Variants in CD84 observed in about 807,000 individuals in gnomAD.
The protein encoded by CD84 is SLAM family member 5.
CD84 carries 22 observed loss-of-function variants against 33.8 expected under a neutral mutation model. The observed-to-expected ratio is 0.65, with a 90% CI of 0.46 to 0.93. CD84 has a LOEUF of 0.93. Ranked by LOEUF, CD84 falls within the 40% of genes least tolerant of loss-of-function variation. CD84 has a pLI of 0.00. For missense variants in CD84, 400 were observed against 397.6 expected, an observed-to-expected ratio of 1.01 and a Z score of -0.05; for synonymous variants, 154 against 145.2, an observed-to-expected ratio of 1.06 and a Z score of -0.44.
Position 160,546,939 on chromosome 1 carries a change from T to C in CD84, c.*1317A>G, listed in dbSNP as rs1025420400. 7.6e-6 allele frequency: 3 copies of C among 392,818 alleles called. No homozygotes were observed. Among genetic ancestry groups the C allele is most frequent in the African/African-American group, 4.1e-5 (2 of 48,524 alleles). 24.3% of individuals were successfully genotyped at this position (392,818 alleles called of 1,614,324 possible). ...TCATTTACTGGGACTGATGTCTTTA[T>C]CTGCCTAATTGCAGCCCATTGCTGT... On this transcript the variant is annotated 3_prime_UTR_variant, in exon 7 of 7. Coordinates refer to ENST00000368054, the MANE Select transcript of CD84 (RefSeq NM_003874.4).
intron 1 of CD84, among the ~76,000 whole-genome samples, chr1:160,575,511 A>ACG (rs778874520): frequency 9.9e-5 from 15 of 151,862 alleles, no homozygotes; most frequent in Non-Finnish European, 1.8e-4. Context: ...ACACACACAC[A>ACG]CACACACACA....
At chr1:160,552,782 A>G in intron 4 of CD84, 1 of 1,450,224 alleles carries the variant, frequency 6.9e-7, no homozygotes, top group East Asian at 2.5e-5. Context: ...TGGAAGCAGA[A>G]GTTCCATGTT....
At chr1:160,572,770 A>G (rs1446021458) in intron 1 of CD84, among the ~76,000 whole-genome samples, 1 of 152,174 alleles carries the variant, frequency 6.6e-6, no homozygotes, top group African/African-American at 2.4e-5. Context: ...GAGAAAGGCC[A>G]TACCTCTAGA....
intron 2 of CD84, among the ~76,000 whole-genome samples, chr1:160,560,609 C>G (rs999545790): frequency 6.6e-6 from 1 of 151,772 alleles, no homozygotes; most frequent in African/African-American, 2.4e-5. Flanking sequence ...ACAAACAAAC[C>G]CCAAAGCTAG....
chr1:160,554,688 G>A (rs1656486689), intron 2 of CD84, among the ~76,000 whole-genome samples: 1 of 152,172 alleles, frequency 6.6e-6, no homozygotes, highest in South Asian at 2.1e-4. Flanking sequence ...ATAAACAAAT[G>A]AAGCTCCAAT....
chr1:160,542,193 G>C lies in CD84; in HGVS notation c.*6063C>G, dbSNP rs1466991106. On this transcript the variant is annotated 3_prime_UTR_variant, in exon 7 of 7. Coordinates refer to ENST00000368054, the MANE Select transcript of CD84 (RefSeq NM_003874.4). ...TCAGCCTTAAAGACTTCACCTTTCTGTGACCCAGTTTCCTACTTTGTAAAA... is the reference window on the plus strand; with the variant it reads ...TCAGCCTTAAAGACTTCACCTTTCTCTGACCCAGTTTCCTACTTTGTAAAA... 1 of 152,202 alleles carries C rather than the reference G, an allele frequency of 6.6e-6. No individual in the cohort carries two copies. The highest frequency in any genetic ancestry group is 1.5e-5 in the Non-Finnish European group (1 of 68,038). 9.4% of individuals were successfully genotyped at this position (152,202 alleles called of 1,614,324 possible).
At chr1:160,557,235 A>G (rs905636678) in intron 2 of CD84, among the ~76,000 whole-genome samples, 1 of 152,212 alleles carries the variant, frequency 6.6e-6, no homozygotes, top group Non-Finnish European at 1.5e-5. Context: ...TAATCCCAAC[A>G]TTAGCGTTCT....
At chr1:160,553,542 C>A in intron 3 of CD84, 45 bp from the exon 4 acceptor site, 2 of 1,611,058 alleles carry the variant, frequency 1.2e-6, no homozygotes, top group Non-Finnish European at 1.7e-6. Flanking sequence ...AGGAAATAGG[C>A]CCAAGAGGCT....
At chr1:160,575,491 CAA>C (rs1490370432) in intron 1 of CD84, among the ~76,000 whole-genome samples, 1 of 105,298 alleles carries the variant, frequency 9.5e-6, no homozygotes, top group Admixed American at 9.3e-5. Flanking sequence ...TCAGTTCCTT[CAA>C]AACACACACA....
rs1655682870 is a variant in CD84 at position 160,544,057 on chromosome 1, A to G, written c.*4199T>C. On this transcript the variant is annotated 3_prime_UTR_variant, in exon 7 of 7. Transcript: ENST00000368054. Reference sequence around the variant, plus strand: ...TTGCCTAAGGTCACATGACTAAGAAACCAGGATGCAGACCCAGGCACTCTA... The same window carrying G: ...TTGCCTAAGGTCACATGACTAAGAAGCCAGGATGCAGACCCAGGCACTCTA... The G allele has an allele frequency of 6.6e-6, 1 of 152,162 alleles. No homozygotes were observed. The highest frequency in any genetic ancestry group is 1.5e-5 in the Non-Finnish European group (1 of 68,040). 9.4% of individuals were successfully genotyped at this position (152,162 alleles called of 1,614,324 possible).
rs773388915 is a variant in CD84 at position 160,565,518 on chromosome 1, A to G, written c.274T>C (p.Tyr92His). Reference sequence around the variant, plus strand: ...CTCAGATCGCTAATGACCAGATTGTAGTTCGGACCTAAGGCATGTATCCGT... The same window carrying G: ...CTCAGATCGCTAATGACCAGATTGTGGTTCGGACCTAAGGCATGTATCCGT... ...YERIHALGPNYNLVISDLRME... is the reference protein window; with the variant it reads ...YERIHALGPNHNLVISDLRME... Residue 92 changes from tyrosine to histidine, a missense_variant, in exon 2 of 7, where the codon TAC becomes CAC. Transcript: ENST00000368054. The G allele has an allele frequency of 7.4e-6, 12 of 1,614,030 alleles. No individual in the cohort carries two copies. The highest frequency in any genetic ancestry group is 5.9e-6 in the Non-Finnish European group (7 of 1,179,920).
intron 2 of CD84, among the ~76,000 whole-genome samples, chr1:160,560,259 C>A (rs568409691): frequency 2.6e-5 from 4 of 152,252 alleles, no homozygotes; most frequent in Non-Finnish European, 4.4e-5. Flanking sequence ...CACTCCTCAG[C>A]AAACGCGAAA....
intron 2 of CD84, among the ~76,000 whole-genome samples, chr1:160,558,502 A>C (rs1656753454): frequency 6.6e-6 from 1 of 152,248 alleles, no homozygotes; most frequent in Non-Finnish European, 1.5e-5. Flanking sequence ...CTCAAAGATA[A>C]AAAGTAGATA....
intron 1 of CD84, among the ~76,000 whole-genome samples, chr1:160,574,330 G>A (rs1030685500): frequency 9.9e-5 from 15 of 151,980 alleles, no homozygotes; most frequent in African/African-American, 3.6e-4. Flanking sequence ...ATTCTATACT[G>A]TTTGTGAAGA....
chr1:160,554,993 A>G (rs1261274409), intron 2 of CD84, among the ~76,000 whole-genome samples: 1 of 152,026 alleles, frequency 6.6e-6, no homozygotes, highest in Non-Finnish European at 1.5e-5. Flanking sequence ...AATTTGTACT[A>G]AACATAAATT....
chr1:160,549,555 A>G (rs1399732814), intron 6 of CD84, among the ~76,000 whole-genome samples: 2 of 152,210 alleles, frequency 1.3e-5, no homozygotes, highest in Admixed American at 6.5e-5. Flanking sequence ...GGCATCTGGC[A>G]TGGGCCTGTG....
At chr1:160,559,220 G>A (rs1461007529) in intron 2 of CD84, among the ~76,000 whole-genome samples, 2 of 152,044 alleles carry the variant, frequency 1.3e-5, no homozygotes, top group Non-Finnish European at 2.9e-5. Flanking sequence ...AAATGTTAAG[G>A]CAACCAGAGA....
chr1:160,554,600 A>G (rs1656481258), intron 2 of CD84, among the ~76,000 whole-genome samples: 1 of 152,274 alleles, frequency 6.6e-6, no homozygotes, highest in African/African-American at 2.4e-5. Context: ...CATTGTGAAT[A>G]GCACAAAAAA....
intron 1 of CD84, among the ~76,000 whole-genome samples, chr1:160,572,587 A>T (rs1339697453): frequency 6.6e-6 from 1 of 151,926 alleles, no homozygotes; most frequent in Non-Finnish European, 1.5e-5. Flanking sequence ...GGGGGGGGGA[A>T]TGTTACTATA....
Sources: allele counts gnomAD v4.1 joint callset (sites outside exome capture counted in the v4.1 genomes callset), GRCh38; gene constraint gnomAD v4.1.1; transcripts MANE v1.5; gene names NCBI Gene and HGNC (gene_info 2026-07-23, HGNC 2026-07-21).